OR51B5: variants seen among roughly 807,000 people sequenced by gnomAD.
OR51B5 encodes the protein olfactory receptor 51B5.
For missense variants in OR51B5, 456 were observed against 374.6 expected (o/e 1.22, Z -1.79); for synonymous variants, 186 against 144.8 (o/e 1.28, Z -2.04).
At chr11:5,440,970 A>G in intron 1 of OR51B5, 1 of 1,613,964 alleles carries the variant, frequency 6.2e-7, no homozygotes, top group Non-Finnish European at 8.5e-7. Context: ...ATCTGGATGG[A>G]GACAGTAGGA....
chr11:5,481,951 A>C (rs1280155985), intron 1 of OR51B5, among the ~76,000 whole-genome samples: 1 of 126,892 alleles, frequency 7.9e-6, no homozygotes, highest in African/African-American at 3.5e-5. Context: ...TACAGATTCA[A>C]TGCCATTCCC....
At chr11:5,440,633 G>A (rs761261003) in intron 1 of OR51B5, 3 of 1,613,830 alleles carry the variant, frequency 1.9e-6, no homozygotes, top group South Asian at 1.1e-5. Flanking sequence ...TTTTCACACT[G>A]TAGATGATAG....
At chr11:5,348,419 T>C (rs1473291401), upstream of OR51B5, among the ~76,000 whole-genome samples, 2 of 151,960 alleles carry the variant, frequency 1.3e-5, no homozygotes, top group Non-Finnish European at 2.9e-5. Flanking sequence ...GTGCCAAATA[T>C]AGAATCAACT....
intron 1 of OR51B5, among the ~76,000 whole-genome samples, chr11:5,466,079 C>T (rs1851135111): frequency 6.6e-6 from 1 of 152,080 alleles, no homozygotes; most frequent in Non-Finnish European, 1.5e-5. Flanking sequence ...GGCTAATATC[C>T]AGAATCTACA....
chr11:5,494,770 T>C (rs938195852), intron 1 of OR51B5, among the ~76,000 whole-genome samples: 2 of 152,188 alleles, frequency 1.3e-5, no homozygotes, highest in African/African-American at 2.4e-5. Flanking sequence ...CTATAAAGTA[T>C]AGGCCAAAAT....
chr11:5,348,358 A>G (rs1470451463), upstream of OR51B5, among the ~76,000 whole-genome samples: 2 of 152,052 alleles, frequency 1.3e-5, no homozygotes, highest in Non-Finnish European at 2.9e-5. Flanking sequence ...TCTAACCCTG[A>G]GAGTCCCCCT....
chr11:5,496,250 C>A (rs893086799), intron 1 of OR51B5, among the ~76,000 whole-genome samples: 1 of 44,830 alleles, frequency 2.2e-5, no homozygotes, highest in Non-Finnish European at 4.9e-5. Flanking sequence ...CTCATAGGGC[C>A]CCTTGCATGG....
chr11:5,420,473 T>A (rs2647576), intron 1 of OR51B5, among the ~76,000 whole-genome samples: 118,933 of 151,852 alleles, frequency 0.78, 47,570 homozygotes, highest in Non-Finnish European at 0.87. Context: ...TATTGTATTT[T>A]TCTTGATAAA....
At chr11:5,504,145 G>C (rs1166448843) in intron 1 of OR51B5, among the ~76,000 whole-genome samples, 2 of 151,324 alleles carry the variant, frequency 1.3e-5, no homozygotes, top group East Asian at 3.9e-4. Flanking sequence ...AAAACATATA[G>C]AAAAAAAATA....
At chr11:5,356,320 A>C (rs36173448) in intron 1 of OR51B5, among the ~76,000 whole-genome samples, 1 of 151,260 alleles carries the variant, frequency 6.6e-6, no homozygotes. Flanking sequence ...TGAGAACTAC[A>C]TGATGAATGC....
chr11:5,374,122 T>C (rs1245031964), intron 1 of OR51B5, among the ~76,000 whole-genome samples: 1 of 152,064 alleles, frequency 6.6e-6, no homozygotes, highest in Non-Finnish European at 1.5e-5. Context: ...CAGGTACTCC[T>C]CTGAGACAAA....
At chr11:5,420,893 A>C (rs1850323752) in intron 1 of OR51B5, among the ~76,000 whole-genome samples, 1 of 151,994 alleles carries the variant, frequency 6.6e-6, no homozygotes, top group Non-Finnish European at 1.5e-5. Context: ...GTGTTTCCAG[A>C]GGCTCAGGTT....
At chr11:5,392,943 T>A (rs1849819179) in intron 1 of OR51B5, 1 of 152,092 alleles carries the variant, frequency 6.6e-6, no homozygotes, top group Admixed American at 6.5e-5. Flanking sequence ...TAAATAAATA[T>A]CTGTGCTGTT....
chr11:5,345,783 T>C (rs1411376084), upstream of OR51B5: 2 of 151,898 alleles, frequency 1.3e-5, no homozygotes, highest in East Asian at 3.9e-4. Context: ...CTTCCACCCA[T>C]AGAGATGAGA....
chr11:5,363,530 ACACT>A (rs1272470597), intron 1 of OR51B5, among the ~76,000 whole-genome samples: 2 of 152,074 alleles, frequency 1.3e-5, no homozygotes, highest in East Asian at 1.9e-4. Context: ...TCCATGAGGT[ACACT>A]CACTACTTTT....
At chr11:5,435,031 G>T (rs1850574424) in intron 1 of OR51B5, among the ~76,000 whole-genome samples, 1 of 152,168 alleles carries the variant, frequency 6.6e-6, no homozygotes, top group South Asian at 2.1e-4. Flanking sequence ...TGGAGGTCAG[G>T]TGGTGGGGAA....
chr11:5,393,668 A>G (rs1373296276), intron 1 of OR51B5, among the ~76,000 whole-genome samples: 12 of 152,200 alleles, frequency 7.9e-5, no homozygotes, highest in African/African-American at 2.4e-4. Flanking sequence ...CTCACGGTAG[A>G]GAGGGCTGAG....
intron 1 of OR51B5, among the ~76,000 whole-genome samples, chr11:5,448,575 G>A (rs1238338330): frequency 6.6e-6 from 1 of 152,178 alleles, no homozygotes; most frequent in Non-Finnish European, 1.5e-5. Context: ...TGATATATTA[G>A]CTTAAACCAA....
At chr11:5,436,371 G>A (rs1850595748) in intron 1 of OR51B5, among the ~76,000 whole-genome samples, 1 of 152,230 alleles carries the variant, frequency 6.6e-6, no homozygotes, top group African/African-American at 2.4e-5. Context: ...TCTGGAAGGA[G>A]AATGTCAGCA....
Sources: gnomAD v4.1 joint callset for allele counts (sites outside exome capture counted in the v4.1 genomes callset) on GRCh38, gnomAD v4.1.1 for gene constraint, MANE v1.5 for transcripts, NCBI Gene and HGNC (gene_info 2026-07-23, HGNC 2026-07-21) for gene names.